The following NTNG1 variants were observed in gnomAD, a reference collection of about 807,000 sequenced individuals.
NTNG1 encodes the protein netrin G1.
Under a neutral mutation model 54.0 loss-of-function variants are expected in NTNG1, and 16 were observed. That is an observed-to-expected ratio of 0.30 (90% CI 0.20 to 0.45). The LOEUF (loss-of-function observed/expected upper bound fraction) is 0.45. NTNG1 is among the 20% of genes least tolerant of loss of function. NTNG1 has a pLI of 1.00. For missense variants in NTNG1, 530 were observed against 678.7 expected (o/e 0.78, Z 2.43); for synonymous variants, 255 against 263.1 (o/e 0.97, Z 0.30).
intron 2 of NTNG1, among the ~76,000 whole-genome samples, chr1:107,151,894 T>C (rs1054056609): frequency 4.6e-5 from 7 of 152,134 alleles, no homozygotes; most frequent in Non-Finnish European, 1.0e-4. Flanking sequence ...AAAATTGTTC[T>C]ATATTAATTG....
intron 7 of NTNG1, among the ~76,000 whole-genome samples, chr1:107,447,930 T>C (rs1676402778): frequency 6.6e-6 from 1 of 152,116 alleles, no homozygotes; most frequent in Non-Finnish European, 1.5e-5. Flanking sequence ...ATATTTTCAT[T>C]CATTAATTCA....
chr1:107,388,234 A>G (rs894038087), intron 3 of NTNG1, among the ~76,000 whole-genome samples: 1 of 152,230 alleles, frequency 6.6e-6, no homozygotes, highest in South Asian at 2.1e-4. Flanking sequence ...AATAAAGGAA[A>G]CTAACATTTG....
chr1:107,280,157 C>CTTTTTTTTTTTTTTTTTTTTTT (rs59501395), intron 2 of NTNG1, among the ~76,000 whole-genome samples: 1 of 103,942 alleles, frequency 9.6e-6, no homozygotes, highest in Non-Finnish European at 1.8e-5. Context: ...CGGTGCTAAC[C>CTTTTTTTTTTTTTTTTTTTTTT]TTTTTTTTTT....
chr1:107,200,658 G>C (rs1658680953), intron 2 of NTNG1, among the ~76,000 whole-genome samples: 1 of 151,742 alleles, frequency 6.6e-6, no homozygotes, highest in Admixed American at 6.6e-5. Flanking sequence ...TAGGGTCACT[G>C]GTTGCCCTTT....
intron 2 of NTNG1, among the ~76,000 whole-genome samples, chr1:107,321,963 T>C (rs1487714548): frequency 2.6e-5 from 4 of 152,136 alleles, no homozygotes; most frequent in African/African-American, 9.7e-5. Context: ...CAATTTCCTC[T>C]TCTGTAAGGT....
intron 6 of NTNG1, among the ~76,000 whole-genome samples, chr1:107,431,157 T>G (rs1675238571): frequency 6.6e-6 from 1 of 152,202 alleles, no homozygotes; most frequent in Non-Finnish European, 1.5e-5. Flanking sequence ...AGAAATCATG[T>G]TAAAGAAATT....
intron 2 of NTNG1, among the ~76,000 whole-genome samples, chr1:107,210,890 C>T (rs909759186): frequency 6.6e-6 from 1 of 152,048 alleles, no homozygotes; most frequent in Non-Finnish European, 1.5e-5. Context: ...GTTTATAAGA[C>T]GCTCCTGTAC....
chr1:107,353,810 G>A (rs988754597), intron 3 of NTNG1, among the ~76,000 whole-genome samples: 7 of 152,188 alleles, frequency 4.6e-5, no homozygotes, highest in Non-Finnish European at 1.0e-4. Flanking sequence ...AGGAAGCATG[G>A]TAGCATCTGC....
intron 2 of NTNG1, among the ~76,000 whole-genome samples, chr1:107,236,965 C>T (rs1328716329): frequency 6.6e-6 from 1 of 152,074 alleles, no homozygotes; most frequent in Admixed American, 6.5e-5. Context: ...TGGGGTGTTG[C>T]TGAAAAGATA....
intron 5 of NTNG1, among the ~76,000 whole-genome samples, chr1:107,412,130 T>TC (rs1256739186): frequency 1.3e-5 from 2 of 151,848 alleles, no homozygotes; most frequent in African/African-American, 2.4e-5. Flanking sequence ...AGCTGATATC[T>TC]CTGCCTTTGC....
chr1:107,464,129 C>T (rs1307947053), intron 7 of NTNG1, among the ~76,000 whole-genome samples: 1 of 152,294 alleles, frequency 6.6e-6, no homozygotes, highest in Non-Finnish European at 1.5e-5. Flanking sequence ...GGGGCATCAG[C>T]TTTACACCCT....
At chr1:107,240,565 ATGT>A (rs1661759541) in intron 2 of NTNG1, among the ~76,000 whole-genome samples, 1 of 152,124 alleles carries the variant, frequency 6.6e-6, no homozygotes, top group Non-Finnish European at 1.5e-5. Context: ...CAGTCATTTG[ATGT>A]TGTAATATCA....
intron 7 of NTNG1, among the ~76,000 whole-genome samples, chr1:107,449,711 C>T (rs1441381579): frequency 7.9e-6 from 1 of 126,852 alleles, no homozygotes; most frequent in African/African-American, 2.9e-5. Context: ...TGAGCTTCTT[C>T]TGCTGGATTA....
intron 2 of NTNG1, among the ~76,000 whole-genome samples, chr1:107,273,018 T>C (rs534732428): frequency 6.6e-6 from 1 of 152,210 alleles, no homozygotes; most frequent in African/African-American, 2.4e-5. Context: ...TCTAGGATAA[T>C]AAAGATGCAA....
chr1:107,255,067 A>T (rs1193335423), intron 2 of NTNG1, among the ~76,000 whole-genome samples: 1 of 152,236 alleles, frequency 6.6e-6, no homozygotes, highest in Non-Finnish European at 1.5e-5. Context: ...AGGACTTTTA[A>T]TACTATAGAT....
chr1:107,299,873 G>GAC (rs2101799348), intron 2 of NTNG1, among the ~76,000 whole-genome samples: 1 of 152,112 alleles, frequency 6.6e-6, no homozygotes, highest in African/African-American at 2.4e-5. Context: ...CACACACACA[G>GAC]ACACACACAC....
At chr1:107,402,394 A>T (rs920054234) in intron 4 of NTNG1, among the ~76,000 whole-genome samples, 7 of 152,158 alleles carry the variant, frequency 4.6e-5, no homozygotes, top group African/African-American at 1.7e-4. Flanking sequence ...CTAGGACGGT[A>T]CTGTCACCAT....
Position 107,480,897 on chromosome 1 carries a change from A to G in NTNG1, c.*57A>G. 1.5e-6 allele frequency: 2 copies of G among 1,328,264 alleles called. No individual in the cohort carries two copies. The highest frequency in any genetic ancestry group is 2.1e-6 in the Non-Finnish European group (2 of 950,992). The allele number at this position is 1,328,264 out of a possible 1,614,324, so 82.3% of individuals were successfully genotyped here. A position where few individuals can be genotyped will look rare whatever the true frequency, so the allele number is the denominator to read the frequency against. On this transcript the variant is annotated 3_prime_UTR_variant, in exon 8 of 8. Transcript: ENST00000370068. ...TGCCGTGGGGAAGCAGACACAACCC[A>G]AACATTTGCTACTAACATAGGAAAC...
intron 2 of NTNG1, among the ~76,000 whole-genome samples, chr1:107,273,803 T>A (rs1664305030): frequency 6.6e-6 from 1 of 152,212 alleles, no homozygotes; most frequent in South Asian, 2.1e-4. Flanking sequence ...CAGTTGGTGA[T>A]CCCTGAATAT....
Sources: gnomAD v4.1 joint callset for allele counts (sites outside exome capture counted in the v4.1 genomes callset) on GRCh38, gnomAD v4.1.1 for gene constraint, MANE v1.5 for transcripts, NCBI Gene and HGNC (gene_info 2026-07-23, HGNC 2026-07-21) for gene names.